Variants in DPP6 observed in about 807,000 individuals in gnomAD.
The protein encoded by DPP6 is dipeptidyl peptidase like 6.
In DPP6, 69 loss-of-function variants were observed where a neutral mutation model predicts 122.6. The ratio of observed to expected loss-of-function variants is 0.56; its 90% CI spans 0.46 to 0.69. The LOEUF (loss-of-function observed/expected upper bound fraction) is 0.69. Among genes scored for constraint, DPP6 ranks in the 30% least tolerant of loss-of-function variants. DPP6 has a pLI of 0.00. For missense variants in DPP6, 928 were observed against 1,116.9 expected, an observed-to-expected ratio of 0.83 and a Z score of 2.41; for synonymous variants, 418 against 433.1, an observed-to-expected ratio of 0.97 and a Z score of 0.43.
At chr7:153,826,348 C>T in the DPP6 span, among the ~76,000 whole-genome samples, 1 of 152,168 alleles carries the variant, frequency 6.6e-6, no homozygotes, top group African/African-American at 2.4e-5. Flanking sequence ...ATTTAGGTTG[C>T]CTGAACTGCT....
At chr7:154,245,495 C>T (rs1250189997) in intron 1 of DPP6, among the ~76,000 whole-genome samples, 1 of 151,352 alleles carries the variant, frequency 6.6e-6, no homozygotes, top group African/African-American at 2.4e-5. Context: ...ATTAGCCAGG[C>T]ATGGTGGCGG....
chr7:154,389,402 G>A (rs1814414512), intron 1 of DPP6, among the ~76,000 whole-genome samples: 1 of 151,914 alleles, frequency 6.6e-6, no homozygotes, highest in African/African-American at 2.4e-5. Context: ...AAAAGGAGAT[G>A]ATTTCATCAG....
intron 3 of DPP6, among the ~76,000 whole-genome samples, chr7:154,529,193 G>C (rs909350387): frequency 5.3e-5 from 8 of 152,162 alleles, no homozygotes; most frequent in African/African-American, 9.7e-5. Context: ...ATTTGAGAAG[G>C]CTTCAAGAGG....
intron 1 of DPP6, among the ~76,000 whole-genome samples, chr7:154,307,986 G>T (rs1331278021): frequency 6.6e-6 from 1 of 151,912 alleles, no homozygotes; most frequent in Non-Finnish European, 1.5e-5. Context: ...ATCACCAAGT[G>T]TTGATTCTTA....
At chr7:154,040,638 C>G (rs868561507) in intron 1 of DPP6, among the ~76,000 whole-genome samples, 1 of 151,698 alleles carries the variant, frequency 6.6e-6, no homozygotes, top group African/African-American at 2.4e-5. Context: ...CTCCCATATG[C>G]AATTCCAGAA....
the DPP6 span, among the ~76,000 whole-genome samples, chr7:153,768,364 A>C: frequency 6.6e-6 from 1 of 152,038 alleles, no homozygotes; most frequent in African/African-American, 2.4e-5. Flanking sequence ...CAGGAAGTGC[A>C]TTTGTAAGGA....
intron 3 of DPP6, among the ~76,000 whole-genome samples, chr7:154,510,783 T>C (rs1826006151): frequency 6.6e-6 from 1 of 152,124 alleles, no homozygotes; most frequent in African/African-American, 2.4e-5. Context: ...TGAACAACTC[T>C]GAATACACTA....
chr7:154,502,562 C>T (rs1345041757), intron 3 of DPP6, among the ~76,000 whole-genome samples: 1 of 152,144 alleles, frequency 6.6e-6, no homozygotes, highest in Middle Eastern at 3.2e-3. Context: ...TTGTCTGCTG[C>T]CATGTGAGAC....
At chr7:154,371,762 G>A (rs1430735729) in intron 1 of DPP6, among the ~76,000 whole-genome samples, 6 of 152,118 alleles carry the variant, frequency 3.9e-5, no homozygotes, top group African/African-American at 1.4e-4. Flanking sequence ...CCTGTGACCC[G>A]TGATTTCAGG....
intron 1 of DPP6, among the ~76,000 whole-genome samples, chr7:154,032,705 G>A (rs1190173017): frequency 4.6e-5 from 7 of 152,088 alleles, no homozygotes. Flanking sequence ...CAAATGAAAT[G>A]CTGGCATCAC....
chr7:153,947,413 CT>C (rs1352926377), intron 1 of DPP6, among the ~76,000 whole-genome samples: 2 of 152,110 alleles, frequency 1.3e-5, no homozygotes, highest in East Asian at 3.9e-4. Flanking sequence ...CAGCATTCTG[CT>C]TTGTAGAGGA....
the DPP6 span, among the ~76,000 whole-genome samples, chr7:153,843,744 CAG>C: frequency 6.6e-6 from 1 of 152,138 alleles, no homozygotes; most frequent in Non-Finnish European, 1.5e-5. Flanking sequence ...CAATTTCTAA[CAG>C]AGCCTTAAAA....
At chr7:154,019,207 T>C (rs1198073737) in intron 1 of DPP6, among the ~76,000 whole-genome samples, 3 of 152,126 alleles carry the variant, frequency 2.0e-5, no homozygotes, top group Non-Finnish European at 4.4e-5. Flanking sequence ...TTATTAAGAG[T>C]CTGTTATCTT....
intron 1 of DPP6, among the ~76,000 whole-genome samples, chr7:154,188,330 GT>G (rs968305030): frequency 6.6e-6 from 1 of 152,136 alleles, no homozygotes; most frequent in African/African-American, 2.4e-5. Context: ...AAATATATTT[GT>G]CTTGGCTACA....
chr7:154,811,524 G>A (rs1375421402), intron 16 of DPP6, among the ~76,000 whole-genome samples: 2 of 152,196 alleles, frequency 1.3e-5, no homozygotes, highest in East Asian at 3.8e-4. Flanking sequence ...TGAGTAGGTA[G>A]GATTTGGAAT....
intron 1 of DPP6, among the ~76,000 whole-genome samples, chr7:153,964,926 C>CTTTT (rs1585100595): frequency 9.1e-6 from 1 of 110,048 alleles, no homozygotes; most frequent in African/African-American, 4.3e-5. Context: ...TTCTTTCTTT[C>CTTTT]TTTCTTTCTT....
At chr7:154,632,650 G>A (rs1024837571) in intron 5 of DPP6, among the ~76,000 whole-genome samples, 1 of 152,132 alleles carries the variant, frequency 6.6e-6, no homozygotes, top group African/African-American at 2.4e-5. Context: ...CTGGACCTGT[G>A]GGAGTTACTG....
chr7:154,218,271 A>G (rs1421962878), intron 1 of DPP6, among the ~76,000 whole-genome samples: 1 of 152,104 alleles, frequency 6.6e-6, no homozygotes, highest in Non-Finnish European at 1.5e-5. Flanking sequence ...TAATCCACAC[A>G]ACCTCACCCA....
Position 154,481,526 on chromosome 7 carries a change from C to T in DPP6, c.457+6489C>T, listed in dbSNP as rs1457993492. Among the ~76,000 whole-genome samples, 1 of 151,600 alleles carries T rather than the reference C, an allele frequency of 6.6e-6. No individual in the cohort carries two copies. The highest frequency in any genetic ancestry group is 1.5e-5 in the Non-Finnish European group (1 of 67,890). ...CCCACTGTGCGAGCACAGCCCTGGC[C>T]CCCCGACCCTCCATGTCTCAGACTC... On this transcript the variant is annotated intron_variant, in intron 3 of 25. Coordinates refer to ENST00000377770, the MANE Select transcript of DPP6 (RefSeq NM_130797.4). The surrounding 1 kb of genome is among the most constrained non-coding windows in gnomAD (Gnocchi z 4.2).
Sources: gnomAD v4.1 joint callset for allele counts (sites outside exome capture counted in the v4.1 genomes callset) on GRCh38, gnomAD v4.1.1 for gene constraint, Gnocchi (gnomAD v3.1) non-coding constraint, MANE v1.5 for transcripts, NCBI Gene and HGNC (gene_info 2026-07-23, HGNC 2026-07-21) for gene names.